Variants in TLN2 observed in about 807,000 individuals in gnomAD.
TLN2 encodes the protein talin 2.
Under a neutral mutation model 294.7 loss-of-function variants are expected in TLN2, and 118 were observed. The observed-to-expected ratio is 0.40, with a 90% CI of 0.34 to 0.47. The LOEUF is 0.47. Ranked by LOEUF, TLN2 falls within the 20% of genes least tolerant of loss-of-function variation. The pLI is 0.84. For synonymous variants in TLN2, 1,431 were observed against 1,304.5 expected, an observed-to-expected ratio of 1.10 and a Z score of -2.09; for missense variants, 3,083 against 3,282.2, an observed-to-expected ratio of 0.94 and a Z score of 1.48.
At chr15:62,394,230 T>C (rs767983089) in intron 1 of TLN2, among the ~76,000 whole-genome samples, 13 of 152,220 alleles carry the variant, frequency 8.5e-5, no homozygotes, top group Non-Finnish European at 1.8e-4. Context: ...TGTTGTGATG[T>C]GTGTGTGGCA....
intron 50 of TLN2, among the ~76,000 whole-genome samples, chr15:62,803,504 T>A (rs1160281470): frequency 1.3e-5 from 2 of 152,220 alleles, no homozygotes; most frequent in Non-Finnish European, 2.9e-5. Flanking sequence ...TGTTTTCTAT[T>A]CTTTTTTGTC....
intron 2 of TLN2, among the ~76,000 whole-genome samples, chr15:62,601,285 A>G (rs1233078654): frequency 6.6e-6 from 1 of 152,194 alleles, no homozygotes; most frequent in Non-Finnish European, 1.5e-5. Context: ...ATACCCCCAC[A>G]ACAAAAATAT....
chr15:62,734,778 T>C (rs769560221), intron 28 of TLN2, among the ~76,000 whole-genome samples: 1 of 152,220 alleles, frequency 6.6e-6, no homozygotes, highest in African/African-American at 2.4e-5. Flanking sequence ...TTACTAAATA[T>C]TTACATATTA....
intron 1 of TLN2, among the ~76,000 whole-genome samples, chr15:62,408,183 A>G (rs931931564): frequency 6.6e-6 from 1 of 151,180 alleles, no homozygotes; most frequent in African/African-American, 2.5e-5. Context: ...GGTGGGAGGT[A>G]AACTGAGAGG....
chr15:62,750,308 GTATGGAGGGAGAGTTGA>G, intron 33 of TLN2, 77 bp from the exon 34 acceptor site: 1 of 994,548 alleles, frequency 1.0e-6, no homozygotes, highest in South Asian at 1.3e-5. Flanking sequence ...AGAAACTTGT[GTATGGAGGGAGAGTTGA>G]TAGTTGGCAG....
rs571857347 is a variant in TLN2, at chr15:62,473,455, A to T, written c.-238+82770A>T. Among the ~76,000 whole-genome samples the T allele has an allele frequency of 2.0e-5, 3 of 152,308 alleles. No individual in the cohort carries two copies. In the South Asian group the frequency reaches 6.2e-4, roughly 32 times the overall value. On this transcript the variant is annotated intron_variant, in intron 1 of 58. Coordinates refer to ENST00000636159, the MANE Select transcript of TLN2 (RefSeq NM_015059.3). ...CATCTGCGGAGCCAACAACCAGGTT[A>T]CAAATACCTTAGAAGTCCTTCCCAT...
chr15:62,545,076 C>T (rs1321478893), intron 1 of TLN2, among the ~76,000 whole-genome samples: 1 of 151,774 alleles, frequency 6.6e-6, no homozygotes, highest in East Asian at 1.9e-4. Context: ...ACTACAGGCA[C>T]CTGCCACCAC....
intron 1 of TLN2, among the ~76,000 whole-genome samples, chr15:62,504,842 T>TGTGTGA (rs1555419737): frequency 7.0e-6 from 1 of 143,460 alleles, no homozygotes; most frequent in Non-Finnish European, 1.5e-5. Flanking sequence ...TGTGTGTGTG[T>TGTGTGA]GTGTGAGAGA....
intron 11 of TLN2, among the ~76,000 whole-genome samples, chr15:62,675,593 T>C (rs2056092601): frequency 6.6e-6 from 1 of 152,124 alleles, no homozygotes; most frequent in African/African-American, 2.4e-5. Context: ...AAGGAGTGAG[T>C]TCACTTTTAC....
chr15:62,602,158 G>A (rs1289544586), intron 2 of TLN2, among the ~76,000 whole-genome samples: 1 of 152,170 alleles, frequency 6.6e-6, no homozygotes, highest in Non-Finnish European at 1.5e-5. Flanking sequence ...TAGGATGTGT[G>A]TGTAGATTAT....
chr15:62,676,326 C>G (rs565908281), intron 11 of TLN2, among the ~76,000 whole-genome samples: 1 of 152,276 alleles, frequency 6.6e-6, no homozygotes, highest in South Asian at 2.1e-4. Context: ...AATACATTAA[C>G]CAAACTAGCT....
chr15:62,616,575 T>G (rs1021471535), intron 2 of TLN2, among the ~76,000 whole-genome samples: 5 of 152,144 alleles, frequency 3.3e-5, no homozygotes, highest in Admixed American at 1.3e-4. Context: ...ATCACAGGCA[T>G]GTACCACTGC....
intron 1 of TLN2, among the ~76,000 whole-genome samples, chr15:62,424,811 C>A (rs2034608948): frequency 6.6e-6 from 1 of 151,650 alleles, no homozygotes; most frequent in South Asian, 2.1e-4. Flanking sequence ...TGCCACCATG[C>A]CTGGCTAATT....
chr15:62,394,524 A>G (rs1215332743), intron 1 of TLN2, among the ~76,000 whole-genome samples: 9 of 152,324 alleles, frequency 5.9e-5, no homozygotes, highest in Admixed American at 3.3e-4. Context: ...TTACTTTTAT[A>G]TCTAATAAGG....
intron 8 of TLN2, among the ~76,000 whole-genome samples, chr15:62,656,608 T>G (rs1485182140): frequency 1.3e-5 from 2 of 152,212 alleles, no homozygotes; most frequent in Non-Finnish European, 2.9e-5. Context: ...CAAGGTTTCT[T>G]GTGGCTCAAG....
At chr15:62,580,422 C>CCCTT (rs1230402148) in intron 1 of TLN2, among the ~76,000 whole-genome samples, 2 of 139,476 alleles carry the variant, frequency 1.4e-5, no homozygotes, top group South Asian at 4.5e-4. Context: ...CTCCCTCCCT[C>CCCTT]CCTTCCTTCC....
Position 62,736,917 on chromosome 15 carries a change from T to C in TLN2, c.3398T>C (p.Leu1133Pro). The part of the protein sequence containing the change: ...ARETAQALKT[L>P]AQAARGVAAS... ...GAGACGGCCCAAGCTCTGAAAACAC[T>C]GGCCCAGGCCGCCCGTGGAGTGGCT... The change falls in exon 29 of 59, where the codon CTG becomes CCG. Residue 1133 changes from leucine (L) to proline (P), a missense_variant. Physicochemically the swap from Leu to Pro is moderately conservative, Grantham distance 98. Coordinates refer to ENST00000636159, the MANE Select transcript of TLN2 (RefSeq NM_015059.3). The C allele has an allele frequency of 6.2e-7, 1 of 1,614,186 alleles. No homozygotes were observed. The highest frequency in any genetic ancestry group is 1.3e-5 in the African/African-American group (1 of 75,066).
intron 1 of TLN2, among the ~76,000 whole-genome samples, chr15:62,541,944 G>A (rs1279384535): frequency 6.6e-6 from 1 of 150,886 alleles, no homozygotes; most frequent in Non-Finnish European, 1.5e-5. Context: ...GATTATTTGT[G>A]AACAAATATT....
chr15:62,694,554 T>C (rs576403384), intron 14 of TLN2, among the ~76,000 whole-genome samples, 162 bp downstream of exon 14: 5 of 152,266 alleles, frequency 3.3e-5, no homozygotes, highest in African/African-American at 1.2e-4. Context: ...ACCAGCAGCA[T>C]TGAAGTGGCA....
Sources: allele counts gnomAD v4.1 joint callset (sites outside exome capture counted in the v4.1 genomes callset), GRCh38; gene constraint gnomAD v4.1.1; transcripts MANE v1.5; gene names NCBI Gene and HGNC (gene_info 2026-07-23, HGNC 2026-07-21).